Variants in RPS6KA3 observed in about 807,000 individuals in gnomAD.
The protein encoded by RPS6KA3 is ribosomal protein S6 kinase A3.
Under a neutral mutation model 67.2 loss-of-function variants are expected in RPS6KA3, and 4 were observed. The ratio of observed to expected loss-of-function variants is 0.06; its 90% CI spans 0.03 to 0.14. The LOEUF is 0.14. Ranked by LOEUF, RPS6KA3 falls within the 10% of genes least tolerant of loss-of-function variation. The pLI, the probability that RPS6KA3 is intolerant of heterozygous loss-of-function variation, is 1.00. For missense variants in RPS6KA3, 204 were observed against 559.0 expected, an observed-to-expected ratio of 0.36 and a Z score of 6.40; for synonymous variants, 182 against 183.7, an observed-to-expected ratio of 0.99 and a Z score of 0.07.
intron 16 of RPS6KA3, among the ~76,000 whole-genome samples, chrX:20,169,046 T>C (rs2067509479): frequency 9.0e-6 from 1 of 111,604 alleles, no homozygotes; most frequent in African/African-American, 3.3e-5. Context: ...AGAGACAGGG[T>C]CTCCCTATGT....
chrX:20,195,277 G>T (rs2068243477), intron 4 of RPS6KA3, 132 bp from the exon 5 acceptor site: 1 of 433,673 alleles, frequency 2.3e-6, no homozygotes, highest in East Asian at 4.0e-5. Flanking sequence ...TATCATTCTT[G>T]AATTTACAAA....
At chrX:20,184,163 C>T (rs2067914327) in intron 10 of RPS6KA3, among the ~76,000 whole-genome samples, 1 of 111,338 alleles carries the variant, frequency 9.0e-6, no homozygotes, top group Non-Finnish European at 1.9e-5. Flanking sequence ...ATTCTCCTGC[C>T]TCAGCTTCCC....
intron 1 of RPS6KA3, among the ~76,000 whole-genome samples, chrX:20,240,886 G>C (rs2069533056): frequency 9.0e-6 from 1 of 111,179 alleles, no homozygotes; most frequent in Non-Finnish European, 1.9e-5. Flanking sequence ...CAACATGTGT[G>C]CATGTAGCTG....
chrX:20,182,758 T>A (rs1376453573), intron 10 of RPS6KA3, among the ~76,000 whole-genome samples: 4 of 112,040 alleles, frequency 3.6e-5, no homozygotes, highest in African/African-American at 1.3e-4. Context: ...TATTTGTCTT[T>A]AGAAGATAAG....
At chrX:20,201,230 G>C (rs113130653) in intron 4 of RPS6KA3, among the ~76,000 whole-genome samples, 1 of 111,295 alleles carries the variant, frequency 9.0e-6, no homozygotes, top group African/African-American at 3.3e-5. Context: ...CAAACTCCTG[G>C]GCTCAAGAGA....
At chrX:20,231,887 A>C (rs1032675110) in intron 2 of RPS6KA3, among the ~76,000 whole-genome samples, 8 of 111,736 alleles carry the variant, frequency 7.2e-5, no homozygotes, top group Non-Finnish European at 1.3e-4. Context: ...AATAGGCAAC[A>C]AAGGAACCTC....
rs777093366 is a variant in RPS6KA3, at chrX:20,209,380, C to T, written c.151G>A (p.Ala51Thr). 2.5e-6 allele frequency: 3 copies of T among 1,181,247 alleles called. No individual in the cohort carries two copies. The highest frequency in any genetic ancestry group is 3.5e-6 in the Non-Finnish European group (3 of 868,079). Residue 51 changes from alanine to threonine, a missense_variant, in exon 3 of 22, where the codon GCA becomes ACA. By Grantham distance (58) the Ala-to-Thr change is moderately conservative (BLOSUM62 0). Transcript: ENST00000379565. Reference sequence around the variant, plus strand: ...CCTTCCTTTACATGATGTGTGATTGCAATTTCTTTGATACTGACTTCTTCC... The same window carrying T: ...CCTTCCTTTACATGATGTGTGATTGTAATTTCTTTGATACTGACTTCTTCC... ...QTEEVSIKEI[A>T]ITHHVKEGHE...
intron 13 of RPS6KA3, 91 bp downstream of exon 13, chrX:20,176,159 C>T (rs2067694210): frequency 1.6e-6 from 1 of 610,602 alleles, no homozygotes; most frequent in South Asian, 2.3e-5. Flanking sequence ...GTGTGAGCCA[C>T]CGCGCCCAGA....
intron 1 of RPS6KA3, among the ~76,000 whole-genome samples, chrX:20,250,545 T>C (rs994800561): frequency 1.8e-5 from 2 of 111,854 alleles, no homozygotes; most frequent in Non-Finnish European, 3.8e-5. Context: ...GGCTGAGTTT[T>C]TATTATGAAT....
At chrX:20,213,270 C>G (rs1394478808) in intron 2 of RPS6KA3, among the ~76,000 whole-genome samples, 2 of 111,621 alleles carry the variant, frequency 1.8e-5, no homozygotes, top group African/African-American at 6.5e-5. Flanking sequence ...TCTTCTCACC[C>G]TCACGCCTAG....
chrX:20,247,193 G>A (rs1009441996), intron 1 of RPS6KA3, among the ~76,000 whole-genome samples: 1 of 111,229 alleles, frequency 9.0e-6, no homozygotes, highest in Non-Finnish European at 1.9e-5. Context: ...CCAGCACTTT[G>A]GATAGGTGGA....
chrX:20,178,115 T>C (rs1448798644), intron 10 of RPS6KA3, among the ~76,000 whole-genome samples: 1 of 111,640 alleles, frequency 9.0e-6, no homozygotes, highest in Non-Finnish European at 1.9e-5. Flanking sequence ...GATACAGAGA[T>C]AAAGAGAGCC....
chrX:20,257,181 G>A (rs1383261480), intron 1 of RPS6KA3, among the ~76,000 whole-genome samples: 1 of 111,661 alleles, frequency 9.0e-6, no homozygotes, highest in Non-Finnish European at 1.9e-5. Context: ...GTCAAGGGGG[G>A]CACTCAATAG....
intron 1 of RPS6KA3, 69 bp downstream of exon 1, chrX:20,266,495 G>A: frequency 1.1e-6 from 1 of 912,705 alleles, no homozygotes; most frequent in South Asian, 2.1e-5. Flanking sequence ...GCCAGCTCCG[G>A]GGAGCGAAGC....
intron 2 of RPS6KA3, among the ~76,000 whole-genome samples, chrX:20,221,093 A>G (rs1441602247): frequency 8.9e-6 from 1 of 112,036 alleles, no homozygotes; most frequent in East Asian, 2.8e-4. Flanking sequence ...GAGCTCTTGA[A>G]GTCCTTTGGT....
At chrX:20,239,362 C>T (rs973294645) in intron 1 of RPS6KA3, among the ~76,000 whole-genome samples, 1 of 111,777 alleles carries the variant, frequency 8.9e-6, no homozygotes, top group Non-Finnish European at 1.9e-5. Context: ...TGTTGAAACA[C>T]CTGTTCCATC....
chrX:20,257,610 G>A (rs2070109164), intron 1 of RPS6KA3, among the ~76,000 whole-genome samples: 1 of 112,144 alleles, frequency 8.9e-6, no homozygotes, highest in Non-Finnish European at 1.9e-5. Flanking sequence ...AAATTTAAAT[G>A]CTTTCATATT....
chrX:20,233,620 A>T (rs2148782505), intron 2 of RPS6KA3, among the ~76,000 whole-genome samples: 1 of 109,895 alleles, frequency 9.1e-6, no homozygotes, highest in African/African-American at 3.3e-5. Flanking sequence ...GTGTCGTGGC[A>T]TGTGCCTGTA....
chrX:20,224,033 T>C (rs2069049812), intron 2 of RPS6KA3, among the ~76,000 whole-genome samples: 1 of 111,953 alleles, frequency 8.9e-6, no homozygotes, highest in Non-Finnish European at 1.9e-5. Flanking sequence ...TTTAAGATAC[T>C]ACTATATTCT....
Sources: allele counts gnomAD v4.1 joint callset (sites outside exome capture counted in the v4.1 genomes callset), GRCh38; gene constraint gnomAD v4.1.1; transcripts MANE v1.5; gene names NCBI Gene and HGNC (gene_info 2026-07-23, HGNC 2026-07-21).